Variants in ABCA4 observed in about 807,000 individuals in gnomAD.
ABCA4 encodes the protein retinal-specific phospholipid-transporting ATPase ABCA4.
A neutral mutation model predicts 263.7 loss-of-function variants in ABCA4; 196 were observed. The ratio of observed to expected loss-of-function variants is 0.74; its 90% CI spans 0.66 to 0.84. The LOEUF (loss-of-function observed/expected upper bound fraction) is 0.84, where lower values mean the gene tolerates loss of function less well. ABCA4 is among the 40% of genes least tolerant of loss of function. The pLI is 0.00. For missense variants in ABCA4, 2,792 were observed against 2,855.1 expected (o/e 0.98, Z 0.50); for synonymous variants, 1,133 against 1,094.2 (o/e 1.04, Z -0.70).
At chr1:94,061,103 G>A (rs1052587415) in intron 13 of ABCA4, among the ~76,000 whole-genome samples, 2 of 152,196 alleles carry the variant, frequency 1.3e-5, no homozygotes, top group African/African-American at 2.4e-5. Context: ...GATGGGATCT[G>A]AGTAGACAGC....
intron 49 of ABCA4, among the ~76,000 whole-genome samples, chr1:93,994,602 A>G (rs538433926): frequency 2.0e-5 from 3 of 152,248 alleles, no homozygotes; most frequent in Non-Finnish European, 4.4e-5. Flanking sequence ...CATGACAGAC[A>G]TATACAATGC....
intron 6 of ABCA4, among the ~76,000 whole-genome samples, chr1:94,091,636 T>A (rs1275947231): frequency 6.7e-6 from 1 of 148,640 alleles, no homozygotes; most frequent in Non-Finnish European, 1.5e-5. Context: ...CAATTTCCTA[T>A]GCCAAATAAG....
At chr1:94,106,243 A>G (rs1025192802) in intron 4 of ABCA4, among the ~76,000 whole-genome samples, 22 of 152,204 alleles carry the variant, frequency 1.4e-4, no homozygotes, top group Non-Finnish European at 1.5e-5. Flanking sequence ...CTGCATACCA[A>G]TTCAAAATCA....
chr1:94,041,119 C>G, intron 23 of ABCA4, 90 bp downstream of exon 23: 1 of 1,340,540 alleles, frequency 7.5e-7, no homozygotes, highest in Non-Finnish European at 1.1e-6. Context: ...GTGGCGAGAG[C>G]CTGTGTGAGT....
intron 19 of ABCA4, among the ~76,000 whole-genome samples, chr1:94,046,632 C>T (rs969894229): frequency 1.3e-5 from 2 of 152,028 alleles, no homozygotes; most frequent in South Asian, 2.1e-4. Flanking sequence ...CTTTTGCCCC[C>T]GCTGAGCCAT....
At position 94,029,428 on chromosome 1, in the gene ABCA4, G is replaced by T. The variant is rs1660134656; in HGVS notation, c.4539+17C>A. 1 of 1,542,340 alleles carries T rather than the reference G, an allele frequency of 6.5e-7. No individual in the cohort carries two copies. The highest frequency in any genetic ancestry group is 8.7e-7 in the Non-Finnish European group (1 of 1,143,632). On this transcript the variant is annotated intron_variant, in intron 30 of 49. Transcript: ENST00000370225. ...TGGCAGGCAGACCTGGGGCCCCGTT[G>T]TTTGGAGGTCAGGTACCTGGGGGGG...
intron 47 of ABCA4, among the ~76,000 whole-genome samples, chr1:93,998,694 GTTTTATTTATTTTA>G (rs1357941622): frequency 9.4e-5 from 13 of 138,838 alleles, no homozygotes; most frequent in East Asian, 6.4e-4. Flanking sequence ...GTCAAAGGTA[GTTTTATTTATTTTA>G]TTTTATTTAT....
At chr1:94,077,947 T>C in intron 10 of ABCA4, 60 bp from the exon 11 acceptor site, 2 of 1,523,996 alleles carry the variant, frequency 1.3e-6, no homozygotes, top group South Asian at 1.1e-5. Context: ...TCTTTGGTCT[T>C]GTTCTTCAGC....
chr1:94,049,357 G>A (rs1207760985), intron 17 of ABCA4, among the ~76,000 whole-genome samples: 2 of 152,224 alleles, frequency 1.3e-5, no homozygotes, highest in Non-Finnish European at 2.9e-5. Flanking sequence ...CGGATGTGGT[G>A]GCTCACGCCT....
Position 93,996,249 on chromosome 1 carries a change from C to G in ABCA4, c.6730-54G>C, listed in dbSNP as rs989350803. 6.3e-6 allele frequency: 8 copies of G among 1,271,378 alleles called. No homozygotes were observed. The African/African-American group carries it at 1.2e-4, about 19-fold the overall frequency. 78.8% of individuals were successfully genotyped at this position (1,271,378 alleles called of 1,614,324 possible). A position where few individuals can be genotyped will look rare whatever the true frequency, so the allele number is the denominator to read the frequency against. On this transcript the variant is annotated intron_variant, in intron 48 of 49. Transcript: ENST00000370225. The stretch of plus-strand genomic sequence containing the variant: ...TAGATATTTCCAGGAAAACAGCACC[C>G]TACACCCACCTACCCACTTTGCTCT...
At position 94,040,067 on chromosome 1, in the gene ABCA4, G is replaced by T; in HGVS notation, c.3583C>A (p.Leu1195Ile). The T allele has an allele frequency of 6.2e-7, 1 of 1,608,544 alleles. No homozygotes were observed. Among genetic ancestry groups the T allele is most frequent in the South Asian group, 1.1e-5 (1 of 89,632 alleles). ...STTCPAHVDD[L>I]TPEQVLDGDV... ...CCATCCAGGACTTGTTCTGGAGTTA[G>T]GTCATCGACGTGGGCTGGACACGTG... is the stretch of plus-strand genomic sequence containing the variant. The change falls in exon 24 of 50, where the codon CTA becomes ATA. Residue 1195 changes from leucine (L) to isoleucine (I), a missense_variant. Coordinates refer to ENST00000370225, the MANE Select transcript of ABCA4 (RefSeq NM_000350.3).
intron 26 of ABCA4, among the ~76,000 whole-genome samples, chr1:94,033,066 C>A (rs760728521): frequency 1.3e-5 from 2 of 151,940 alleles, no homozygotes; most frequent in Non-Finnish European, 2.9e-5. Context: ...TGGATTCTTA[C>A]AAGATACATA....
chr1:94,098,315 A>C lies in ABCA4; in HGVS notation c.768+479T>G, dbSNP rs984852777. The stretch of plus-strand genomic sequence containing the variant: ...GGTTGAGACCATTTCCAGAGGAAGA[A>C]GCATGGGGCCATCATTTATTAAAAT... On this transcript the variant is annotated intron_variant, in intron 6 of 49. Transcript: ENST00000370225. 2.6e-5 allele frequency among the ~76,000 whole-genome samples: 4 copies of C among 152,224 alleles called. No individual in the cohort carries two copies. The East Asian group carries it at 7.7e-4, about 29-fold the overall frequency.
At chr1:94,067,949 C>T (rs1324375532) in intron 11 of ABCA4, among the ~76,000 whole-genome samples, 2 of 152,170 alleles carry the variant, frequency 1.3e-5, no homozygotes, top group African/African-American at 4.8e-5. Flanking sequence ...CTGATAAATA[C>T]CATTTTTATG....
intron 16 of ABCA4, among the ~76,000 whole-genome samples, chr1:94,052,738 T>C (rs1438894211): frequency 6.6e-6 from 1 of 152,210 alleles, no homozygotes; most frequent in Non-Finnish European, 1.5e-5. Context: ...AAAGACATGT[T>C]GGGGTCTGTG....
intron 36 of ABCA4, among the ~76,000 whole-genome samples, chr1:94,017,968 C>T (rs1659784594): frequency 6.6e-6 from 1 of 151,766 alleles, no homozygotes. Flanking sequence ...TTTTTTTTTG[C>T]CACTGGCTAA....
chr1:94,036,502 G>A (rs1571268420), intron 26 of ABCA4, among the ~76,000 whole-genome samples: 3 of 151,496 alleles, frequency 2.0e-5, no homozygotes, highest in Middle Eastern at 6.8e-3. Context: ...TCAGCCTCCC[G>A]AGTAGCTGGA....
At chr1:94,066,443 T>C (rs1661269596) in intron 11 of ABCA4, among the ~76,000 whole-genome samples, 1 of 152,264 alleles carries the variant, frequency 6.6e-6, no homozygotes, top group Non-Finnish European at 1.5e-5. Context: ...GAATCTGAAA[T>C]TTAATTCCTA....
chr1:94,107,267 C>A (rs560073285), intron 4 of ABCA4, among the ~76,000 whole-genome samples: 1 of 152,284 alleles, frequency 6.6e-6, no homozygotes, highest in African/African-American at 2.4e-5. Flanking sequence ...GCTTTCGTGG[C>A]CTCTGAGCCC....
Sources: allele counts gnomAD v4.1 joint callset (sites outside exome capture counted in the v4.1 genomes callset), GRCh38; gene constraint gnomAD v4.1.1; transcripts MANE v1.5; gene names NCBI Gene and HGNC (gene_info 2026-07-23, HGNC 2026-07-21).